MTA3: variants seen among roughly 807,000 people sequenced by gnomAD.
MTA3 encodes the protein metastasis-associated protein MTA3.
MTA3 carries 34 observed loss-of-function variants against 83.5 expected under a neutral mutation model. That is an observed-to-expected ratio of 0.41 (90% CI 0.31 to 0.54). The LOEUF is 0.54. Among genes scored for constraint, MTA3 ranks in the 20% least tolerant of loss-of-function variants. The pLI, the probability that MTA3 is intolerant of heterozygous loss-of-function variation, is 0.33. For missense variants in MTA3, 761 were observed against 726.4 expected, an observed-to-expected ratio of 1.05 and a Z score of -0.55; for synonymous variants, 303 against 252.7, an observed-to-expected ratio of 1.20 and a Z score of -1.89.
At chr2:42,674,137 C>G (rs970804336) in intron 8 of MTA3, among the ~76,000 whole-genome samples, 1 of 152,190 alleles carries the variant, frequency 6.6e-6, no homozygotes, top group Non-Finnish European at 1.5e-5. Context: ...GAGGGCAAGG[C>G]CAAATGTGCA....
intron 4 of MTA3, among the ~76,000 whole-genome samples, chr2:42,621,576 A>C (rs1232531797): frequency 6.6e-6 from 1 of 152,156 alleles, no homozygotes; most frequent in South Asian, 2.1e-4. Context: ...TCTTTTCCCC[A>C]CATTTCCCCC....
chr2:42,573,152 G>T (rs1023231897), intron 2 of MTA3, among the ~76,000 whole-genome samples: 10 of 152,210 alleles, frequency 6.6e-5, no homozygotes, highest in Non-Finnish European at 1.2e-4. Context: ...TCTGAGGGTT[G>T]TGTGGTTTAT....
intron 9 of MTA3, 133 bp downstream of exon 9, chr2:42,682,722 G>GGTT (rs1270072629): frequency 1.9e-5 from 15 of 800,950 alleles, no homozygotes; most frequent in Non-Finnish European, 2.7e-5. Context: ...GTAAAATGAA[G>GGTT]GTTAGTCTTG....
intron 4 of MTA3, among the ~76,000 whole-genome samples, chr2:42,638,889 GT>G (rs11367463): frequency 0.74 from 108,389 of 146,554 alleles, 40,098 homozygotes; most frequent in South Asian, 0.87. Flanking sequence ...TTTATAAGGG[GT>G]TTTTTTTTTT....
intron 2 of MTA3, among the ~76,000 whole-genome samples, chr2:42,538,777 G>T (rs111982689): frequency 0.43 from 56,427 of 132,108 alleles, 13,090 homozygotes; most frequent in African/African-American, 0.51. Context: ...GTTTTTTTTT[G>T]TTTTTTTTGA....
At chr2:42,574,300 A>G (rs1485640771) in intron 2 of MTA3, among the ~76,000 whole-genome samples, 1 of 148,850 alleles carries the variant, frequency 6.7e-6, no homozygotes, top group Non-Finnish European at 1.5e-5. Flanking sequence ...ATGCCCGGCT[A>G]ATTTTTAGCA....
At chr2:42,709,440 T>A in intron 14 of MTA3, 1 of 404,134 alleles carries the variant, frequency 2.5e-6, no homozygotes, top group Non-Finnish European at 4.0e-6. Context: ...TGCCACAATG[T>A]AACCCCTAAG....
At chr2:42,643,909 T>C (rs1033587937) in intron 5 of MTA3, among the ~76,000 whole-genome samples, 13 of 152,240 alleles carry the variant, frequency 8.5e-5, no homozygotes, top group Non-Finnish European at 1.9e-4. Context: ...TAATCTACTT[T>C]GTTTCAAGCT....
chr2:42,538,606 G>A (rs1009312274), intron 2 of MTA3, among the ~76,000 whole-genome samples: 1 of 151,350 alleles, frequency 6.6e-6, no homozygotes, highest in African/African-American at 2.4e-5. Flanking sequence ...TACTCAGGAG[G>A]CTGATGCAGG....
chr2:42,612,571 G>T (rs1030752637), intron 4 of MTA3, among the ~76,000 whole-genome samples: 2 of 151,922 alleles, frequency 1.3e-5, no homozygotes, highest in Non-Finnish European at 2.9e-5. Flanking sequence ...AGTTTAAGAA[G>T]TTATGTGGGG....
chr2:42,555,058 C>T (rs1483072757), intron 2 of MTA3, among the ~76,000 whole-genome samples: 1 of 152,016 alleles, frequency 6.6e-6, no homozygotes, highest in Non-Finnish European at 1.5e-5. Context: ...TAGGCTGAGG[C>T]AGGAGAGTCG....
chr2:42,578,688 G>A (rs1013031482), intron 2 of MTA3, among the ~76,000 whole-genome samples: 1 of 152,144 alleles, frequency 6.6e-6, no homozygotes, highest in African/African-American at 2.4e-5. Flanking sequence ...GTTTGGACGA[G>A]GTGTGTTTAA....
Position 42,659,994 on chromosome 2 carries a change from T to G in MTA3, c.702+132T>G, listed in dbSNP as rs1689523314. ...TTCCTGACTGCTAGGTTGATTTGGC[T>G]TGGTTACTTGGTTGACTGGGTTATG... On this transcript the variant is annotated intron_variant, in intron 8 of 16. Coordinates refer to ENST00000405094, the MANE Select transcript of MTA3 (RefSeq NM_001330442.2). The G allele has an allele frequency of 8.4e-6, 4 of 476,656 alleles. No homozygotes were observed. The South Asian group carries it at 1.7e-4, about 20-fold the overall frequency. The allele number at this position is 476,656 out of a possible 1,614,324, so 29.5% of individuals were successfully genotyped here.
chr2:42,609,709 A>G (rs1303354745), intron 4 of MTA3, 125 bp downstream of exon 4: 20 of 1,108,972 alleles, frequency 1.8e-5, no homozygotes, highest in Non-Finnish European at 2.3e-5. Flanking sequence ...AGGCTTCATA[A>G]TGGAATTTTA....
At chr2:42,630,164 T>G (rs550620561) in intron 4 of MTA3, among the ~76,000 whole-genome samples, 1 of 152,324 alleles carries the variant, frequency 6.6e-6, no homozygotes, top group Admixed American at 6.5e-5. Context: ...CCCCATACAC[T>G]TGATCTCTGA....
At chr2:42,496,817 C>A (rs987600066) in intron 2 of MTA3, among the ~76,000 whole-genome samples, 2 of 152,148 alleles carry the variant, frequency 1.3e-5, no homozygotes, top group Non-Finnish European at 2.9e-5. Context: ...CATCTCTTTG[C>A]ACTCCAGTTC....
intron 4 of MTA3, among the ~76,000 whole-genome samples, chr2:42,634,040 G>A (rs1686950564): frequency 6.6e-6 from 1 of 152,004 alleles, no homozygotes; most frequent in South Asian, 2.1e-4. Flanking sequence ...TGACAATTTG[G>A]ACAGTTTGGC....
intron 1 of MTA3, among the ~76,000 whole-genome samples, chr2:42,569,226 C>G (rs910300741): frequency 6.6e-6 from 1 of 151,956 alleles, no homozygotes. Context: ...GGGGCCCAGC[C>G]AGGGGCCCAG....
intron 8 of MTA3, among the ~76,000 whole-genome samples, chr2:42,670,275 AT>A (rs1334379753): frequency 2.0e-5 from 3 of 152,046 alleles, no homozygotes; most frequent in Non-Finnish European, 2.9e-5. Flanking sequence ...AAAAAAAAAA[AT>A]CTTAAAACTT....
Sources: gnomAD v4.1 joint callset for allele counts (sites outside exome capture counted in the v4.1 genomes callset) on GRCh38, gnomAD v4.1.1 for gene constraint, MANE v1.5 for transcripts, NCBI Gene and HGNC (gene_info 2026-07-23, HGNC 2026-07-21) for gene names.